Variants in CEP63 observed in about 807,000 individuals in gnomAD.
CEP63 encodes centrosomal protein of 63 kDa.
Under a neutral mutation model 89.1 loss-of-function variants are expected in CEP63, and 84 were observed. The observed-to-expected ratio is 0.94, with a 90% CI of 0.79 to 1.13. CEP63 has a LOEUF of 1.13. Ranked by LOEUF, CEP63 falls within the 50% of genes most tolerant of loss-of-function variation. The pLI, the probability that CEP63 is intolerant of heterozygous loss-of-function variation, is 0.00. For synonymous variants in CEP63, 267 were observed against 272.5 expected (o/e 0.98, Z 0.20); for missense variants, 838 against 813.3 (o/e 1.03, Z -0.37).
chr3:134,611,468 C>T, the CEP63 span, among the ~76,000 whole-genome samples: 2 of 152,234 alleles, frequency 1.3e-5, no homozygotes, highest in Non-Finnish European at 2.9e-5. Flanking sequence ...AATTTCACTG[C>T]TAGTCTGACC....
the CEP63 span, among the ~76,000 whole-genome samples, chr3:134,732,611 A>G: frequency 6.6e-6 from 1 of 152,146 alleles, no homozygotes; most frequent in African/African-American, 2.4e-5. Context: ...AAAATGAAAT[A>G]ATGAAATAAG....
chr3:134,763,188 T>C, the CEP63 span, among the ~76,000 whole-genome samples: 1 of 152,110 alleles, frequency 6.6e-6, no homozygotes, highest in Non-Finnish European at 1.5e-5. Flanking sequence ...CAGTAACTCG[T>C]CATTTAACAT....
At chr3:134,603,867 G>T in the CEP63 span, 1 of 1,614,008 alleles carries the variant, frequency 6.2e-7, no homozygotes, top group Non-Finnish European at 8.5e-7. Context: ...CAGGGAACAT[G>T]GGCCAGTTCA....
chr3:134,750,070 C>T, the CEP63 span, among the ~76,000 whole-genome samples: 1 of 152,252 alleles, frequency 6.6e-6, no homozygotes, highest in Non-Finnish European at 1.5e-5. Flanking sequence ...ATTTCACCTG[C>T]CTTTCCTGGG....
At chr3:134,682,527 G>C in the CEP63 span, among the ~76,000 whole-genome samples, 45 of 152,276 alleles carry the variant, frequency 3.0e-4, no homozygotes, top group South Asian at 6.8e-3. Flanking sequence ...TGTTCTTTCT[G>C]AATCGCTACT....
the CEP63 span, among the ~76,000 whole-genome samples, chr3:134,705,698 A>AAT: frequency 6.6e-6 from 1 of 152,128 alleles, no homozygotes; most frequent in Non-Finnish European, 1.5e-5. Flanking sequence ...GAGTCCTCAG[A>AAT]GCTGTTGGTG....
the CEP63 span, chr3:134,629,377 G>C: frequency 2.0e-6 from 1 of 496,750 alleles, no homozygotes; most frequent in Non-Finnish European, 3.6e-6. Context: ...GTGATGCAAT[G>C]TGTCTTCAGC....
chr3:134,530,020 C>T (rs1054854869), intron 3 of CEP63, among the ~76,000 whole-genome samples: 2 of 151,848 alleles, frequency 1.3e-5, no homozygotes, highest in Non-Finnish European at 2.9e-5. Flanking sequence ...ACTACAGGCA[C>T]CCGCCACCAC....
At chr3:134,556,287 A>T (rs936182813) in intron 12 of CEP63, among the ~76,000 whole-genome samples, 1 of 152,170 alleles carries the variant, frequency 6.6e-6, no homozygotes, top group Admixed American at 6.6e-5. Context: ...ATCTCATTAA[A>T]CTAAAGAGCT....
At chr3:134,654,075 T>C in the CEP63 span, among the ~76,000 whole-genome samples, 3 of 152,224 alleles carry the variant, frequency 2.0e-5, no homozygotes, top group Non-Finnish European at 4.4e-5. Context: ...ACAGTCAAAA[T>C]AGTTGTATTG....
At chr3:134,575,981 C>T (rs565998100), downstream of CEP63, among the ~76,000 whole-genome samples, 2 of 152,160 alleles carry the variant, frequency 1.3e-5, no homozygotes, top group South Asian at 4.1e-4. Context: ...TTTCTTAATA[C>T]TTGCATTTTA....
the CEP63 span, among the ~76,000 whole-genome samples, chr3:134,778,705 C>CCCG: frequency 6.6e-6 from 1 of 152,084 alleles, no homozygotes; most frequent in East Asian, 1.9e-4. Flanking sequence ...CCTACAGGTG[C>CCCG]CCACCACCAT....
chr3:134,573,294 C>T (rs997893583), intron 11 of CEP63, among the ~76,000 whole-genome samples: 5 of 152,092 alleles, frequency 3.3e-5, no homozygotes, highest in African/African-American at 1.2e-4. Context: ...GTTGCCGTTG[C>T]TTTTGGGGAC....
chr3:134,538,200 T>G (rs1159824304), intron 6 of CEP63, among the ~76,000 whole-genome samples: 18 of 19,394 alleles, frequency 9.3e-4, no homozygotes, highest in African/African-American at 2.0e-3. Flanking sequence ...AAGGGAGGGT[T>G]TTTTTTTTTT....
At chr3:134,709,789 A>C in the CEP63 span, among the ~76,000 whole-genome samples, 1 of 152,210 alleles carries the variant, frequency 6.6e-6, no homozygotes, top group Non-Finnish European at 1.5e-5. Flanking sequence ...GAGCTGAGTT[A>C]GCAGTTATTA....
the CEP63 span, among the ~76,000 whole-genome samples, chr3:134,651,922 C>G: frequency 4.6e-5 from 7 of 152,206 alleles, no homozygotes; most frequent in African/African-American, 1.4e-4. Flanking sequence ...CGGGCCCACC[C>G]TGCTGGGGGC....
the CEP63 span, among the ~76,000 whole-genome samples, chr3:134,712,311 T>C: frequency 6.6e-6 from 1 of 152,228 alleles, no homozygotes; most frequent in South Asian, 2.1e-4. Context: ...CTCTGTGCTA[T>C]CTTTTTGGAA....
intron 1 of CEP63, among the ~76,000 whole-genome samples, chr3:134,494,292 T>C: frequency 6.6e-6 from 1 of 151,842 alleles, no homozygotes; most frequent in Middle Eastern, 3.2e-3. Flanking sequence ...TTTTTTTTTT[T>C]TTTGGTAGAG....
chr3:134,760,219 C>T, the CEP63 span, among the ~76,000 whole-genome samples: 11 of 151,916 alleles, frequency 7.2e-5, no homozygotes, highest in Admixed American at 1.3e-4. Flanking sequence ...CCACCACGCC[C>T]GGCTAATTTT....
Sources: allele counts gnomAD v4.1 joint callset (sites outside exome capture counted in the v4.1 genomes callset), GRCh38; gene constraint gnomAD v4.1.1; transcripts MANE v1.5; gene names NCBI Gene and HGNC (gene_info 2026-07-23, HGNC 2026-07-21).